SFMBT1: variants seen among roughly 807,000 people sequenced by gnomAD.
SFMBT1 encodes Scm like with four mbt domains 1, also known as scm-like with four MBT domains protein 1.
SFMBT1 carries 32 observed loss-of-function variants against 108.7 expected under a neutral mutation model. The ratio of observed to expected loss-of-function variants is 0.29; its 90% CI spans 0.22 to 0.40. SFMBT1 has a LOEUF of 0.40. SFMBT1 is among the 10% of genes least tolerant of loss of function. The pLI, the probability that SFMBT1 is intolerant of heterozygous loss-of-function variation, is 1.00. For missense variants in SFMBT1, 816 were observed against 1,059.6 expected (o/e 0.77, Z 3.19); for synonymous variants, 348 against 369.5 (o/e 0.94, Z 0.67).
At chr3:52,928,476 T>C in intron 8 of SFMBT1, 135 bp from the exon 9 acceptor site, 1 of 853,166 alleles carries the variant, frequency 1.2e-6, no homozygotes, top group Non-Finnish European at 1.8e-6. Context: ...ATGTTAGCTC[T>C]GTGTTATGTA....
chr3:52,988,468 A>G (rs1705006518), intron 1 of SFMBT1, among the ~76,000 whole-genome samples: 1 of 152,216 alleles, frequency 6.6e-6, no homozygotes, highest in African/African-American at 2.4e-5. Flanking sequence ...ACTCCAGGGT[A>G]ATGCTGCTGC....
In SFMBT1 at chr3:52,907,324, A is replaced by T. The variant is rs775992287; in HGVS notation, c.2086-10T>A. On this transcript the variant is annotated splice_polypyrimidine_tract_variant and intron_variant, in intron 18 of 20. Coordinates refer to ENST00000394752, the MANE Select transcript of SFMBT1 (RefSeq NM_016329.4). ...CTTCACCCCCACTTCCCTGCAGGAA[A>T]AGGAGAGAAGTCTCATTGAAATTCA... 4 of 1,605,310 alleles carry T rather than the reference A, an allele frequency of 2.5e-6. No homozygotes were observed. The East Asian group carries it at 6.7e-5, about 27-fold the overall frequency.
intron 1 of SFMBT1, chr3:53,044,985 TTTCTGCTCCGCACAG>T (rs1460519863): frequency 6.6e-6 from 1 of 152,330 alleles, no homozygotes; most frequent in African/African-American, 2.4e-5. Context: ...GCACAAGGCG[TTTCTGCTCCGCACAG>T]AGCAGGCCTT....
intron 1 of SFMBT1, among the ~76,000 whole-genome samples, chr3:52,996,198 A>T (rs1354522034): frequency 6.8e-6 from 1 of 147,034 alleles, no homozygotes; most frequent in Non-Finnish European, 1.5e-5. Context: ...TCTTAAAAAT[A>T]AACAATCCTT....
chr3:53,040,626 TAA>T (rs11444774), intron 1 of SFMBT1, among the ~76,000 whole-genome samples: 53 of 138,380 alleles, frequency 3.8e-4, no homozygotes, highest in Admixed American at 5.9e-4. Context: ...GTATGCCAGT[TAA>T]AAAAAAAAAA....
intron 2 of SFMBT1, among the ~76,000 whole-genome samples, chr3:52,961,627 C>T (rs1175753284): frequency 6.6e-6 from 1 of 152,166 alleles, no homozygotes; most frequent in Admixed American, 6.5e-5. Flanking sequence ...AAATTAAAAA[C>T]ATATTGAACA....
chr3:52,943,910 A>G (rs1211994416), intron 3 of SFMBT1, among the ~76,000 whole-genome samples: 3 of 152,248 alleles, frequency 2.0e-5, no homozygotes, highest in Non-Finnish European at 2.9e-5. Context: ...CATTGTTTAC[A>G]AGAATGATTT....
intron 1 of SFMBT1, among the ~76,000 whole-genome samples, chr3:53,021,685 C>T (rs1449999510): frequency 2.6e-5 from 4 of 152,158 alleles, no homozygotes; most frequent in Non-Finnish European, 5.9e-5. Flanking sequence ...AGTCCCCTTT[C>T]ACCTGCTCTG....
Position 52,945,136 on chromosome 3 carries a change from T to TAAAAAAAAAAAAAAAAA in SFMBT1, c.124-1544_124-1543insTTTTTTTTTTTTTTTTT, listed in dbSNP as rs367727549. Among the ~76,000 whole-genome samples, 93 of 48,474 alleles carry TAAAAAAAAAAAAAAAAA rather than the reference T, an allele frequency of 1.9e-3. 9 individuals are homozygous for TAAAAAAAAAAAAAAAAA. Among genetic ancestry groups the TAAAAAAAAAAAAAAAAA allele is most frequent in the East Asian group, 4.2e-3 (6 of 1,436 alleles). The allele number at this position is 48,474 out of a possible 152,430, so 31.8% of individuals were successfully genotyped here. On this transcript the variant is annotated intron_variant, in intron 3 of 20. Coordinates refer to ENST00000394752, the MANE Select transcript of SFMBT1 (RefSeq NM_016329.4). ...TGATTTCCAAATACCACCTTCCAATTAAAAAAAAAAAAAAACAAGGACTTC... is the reference window on the plus strand; with the variant it reads ...TGATTTCCAAATACCACCTTCCAATTAAAAAAAAAAAAAAAAAAAAAAAAAAAAAAAACAAGGACTTC...
intron 1 of SFMBT1, among the ~76,000 whole-genome samples, chr3:52,997,152 A>T (rs1296710835): frequency 6.7e-6 from 1 of 150,260 alleles, no homozygotes; most frequent in Non-Finnish European, 1.5e-5. Context: ...GAGGATCACC[A>T]AAAAGAAATG....
At chr3:53,004,266 C>A in intron 1 of SFMBT1, among the ~76,000 whole-genome samples, 1 of 129,806 alleles carries the variant, frequency 7.7e-6, no homozygotes, top group Non-Finnish European at 1.7e-5. Context: ...CTCTCTCTCT[C>A]TCTCTCTCTC....
At chr3:53,013,773 C>A (rs1041289929) in intron 1 of SFMBT1, among the ~76,000 whole-genome samples, 1 of 150,996 alleles carries the variant, frequency 6.6e-6, no homozygotes, top group Non-Finnish European at 1.5e-5. Context: ...GGATTACAGG[C>A]GCCCACCACC....
intron 4 of SFMBT1, among the ~76,000 whole-genome samples, chr3:52,939,249 C>G (rs1477112413): frequency 6.6e-6 from 1 of 152,168 alleles, no homozygotes; most frequent in Non-Finnish European, 1.5e-5. Flanking sequence ...GTATGTATTA[C>G]AAGGCCTCTT....
intron 4 of SFMBT1, among the ~76,000 whole-genome samples, chr3:52,937,261 A>AT (rs570299625): frequency 9.9e-5 from 15 of 151,094 alleles, no homozygotes; most frequent in South Asian, 2.1e-4. Context: ...TTTTCTTTGC[A>AT]TTTTTTTTTG....
chr3:53,036,676 T>C (rs1363317811), intron 1 of SFMBT1, among the ~76,000 whole-genome samples: 1 of 152,216 alleles, frequency 6.6e-6, no homozygotes, highest in East Asian at 1.9e-4. Context: ...AAACTCTAAA[T>C]GTGGACAACT....
intron 1 of SFMBT1, among the ~76,000 whole-genome samples, chr3:52,982,860 AAG>A: frequency 3.9e-5 from 1 of 25,424 alleles, no homozygotes; most frequent in Non-Finnish European, 1.3e-4. Context: ...GCCAATAAAG[AAG>A]AAGATGTAGA....
chr3:52,910,449 T>C (rs1043089318), intron 17 of SFMBT1, among the ~76,000 whole-genome samples: 2 of 152,154 alleles, frequency 1.3e-5, no homozygotes, highest in Non-Finnish European at 2.9e-5. Flanking sequence ...CCTGTTTTGG[T>C]ATAGCCCCCA....
rs1231168217 is a variant in SFMBT1, at chr3:52,954,389, C to G, written c.51G>C (p.Glu17Asp). 4 of 1,613,602 alleles carry G rather than the reference C, an allele frequency of 2.5e-6. No homozygotes were observed. Among genetic ancestry groups the G allele is most frequent in the African/African-American group, 1.3e-5 (1 of 74,878 alleles). ...GATAATCTTCCCAGCTTAATTCTAC[C>G]TCTTCCATACCAGAGCCGGCATCTA... ...LDADAGSGME[E>D]VELSWEDYLE... is the part of the protein sequence containing the mutation. Residue 17 changes from glutamate to aspartate, a missense_variant, in exon 3 of 21, where the codon GAG becomes GAC. Transcript: ENST00000394752.
In SFMBT1 at chr3:52,920,526, T is replaced by G; in HGVS notation, c.1372+11A>C. The G allele has an allele frequency of 6.2e-7, 1 of 1,600,482 alleles. No individual in the cohort carries two copies. Among genetic ancestry groups the G allele is most frequent in the Non-Finnish European group, 8.6e-7 (1 of 1,168,732 alleles). ...AACAATCAATCCTCTAACCCAGAAA[T>G]AGACAGATACCTCGTGCTCGGCGAG... On this transcript the variant is annotated intron_variant, in intron 12 of 20. Coordinates refer to ENST00000394752, the MANE Select transcript of SFMBT1 (RefSeq NM_016329.4).
Sources: allele counts gnomAD v4.1 joint callset (sites outside exome capture counted in the v4.1 genomes callset), GRCh38; gene constraint gnomAD v4.1.1; transcripts MANE v1.5; gene names NCBI Gene and HGNC (gene_info 2026-07-23, HGNC 2026-07-21).